Variants in SELP observed in about 807,000 individuals in gnomAD.
SELP encodes the protein P-selectin.
A neutral mutation model predicts 104.1 loss-of-function variants in SELP; 92 were observed. That is an observed-to-expected ratio of 0.88 (90% CI 0.75 to 1.05). The LOEUF (loss-of-function observed/expected upper bound fraction) is 1.05. Ranked by LOEUF, SELP falls within the 50% of genes least tolerant of loss-of-function variation. SELP has a pLI of 0.00. For synonymous variants in SELP, 397 were observed against 364.5 expected, an observed-to-expected ratio of 1.09 and a Z score of -1.01; for missense variants, 1,022 against 1,017.3, an observed-to-expected ratio of 1.00 and a Z score of -0.06.
intron 9 of SELP, among the ~76,000 whole-genome samples, chr1:169,606,193 T>G (rs887789088): frequency 1.3e-5 from 2 of 152,164 alleles, no homozygotes; most frequent in Non-Finnish European, 1.5e-5. Context: ...GGTGGGCACC[T>G]GTAGTCCCAG....
intron 6 of SELP, among the ~76,000 whole-genome samples, 172 bp downstream of exon 6, chr1:169,612,045 T>A (rs1662563102): frequency 6.6e-6 from 1 of 152,124 alleles, no homozygotes; most frequent in Non-Finnish European, 1.5e-5. Context: ...AAGAAAGGAA[T>A]TTTTTTCCTT....
At position 169,622,229 on chromosome 1, in the gene SELP, C is replaced by T. The variant is rs113038089; in HGVS notation, c.4-3010G>A. On this transcript the variant is annotated intron_variant, in intron 1 of 16. Transcript: ENST00000263686. ...ATTGTAAATGATATTGCAGCAAATC[C>T]GTTTTCAAGTCTAGTGATTTCCATT... Among the ~76,000 whole-genome samples, 707 of 152,224 alleles carry T rather than the reference C, an allele frequency of 4.6e-3. 7 individuals are homozygous for T. The highest frequency in any genetic ancestry group is 0.016 in the African/African-American group (679 of 41,526).
chr1:169,607,609 A>G (rs983871210), intron 8 of SELP, among the ~76,000 whole-genome samples: 3 of 152,226 alleles, frequency 2.0e-5, no homozygotes, highest in African/African-American at 7.2e-5. Flanking sequence ...ATGATGTTAA[A>G]TAAAAAATCA....
intron 1 of SELP, among the ~76,000 whole-genome samples, chr1:169,625,750 C>G (rs757689569): frequency 4.6e-5 from 7 of 152,258 alleles, no homozygotes; most frequent in Middle Eastern, 3.4e-3. Flanking sequence ...ATAATTATAA[C>G]TGAATGCATT....
intron 3 of SELP, among the ~76,000 whole-genome samples, chr1:169,614,803 G>T (rs1204891759): frequency 6.6e-6 from 1 of 152,180 alleles, no homozygotes; most frequent in African/African-American, 2.4e-5. Flanking sequence ...ACACTGGGAA[G>T]GGTTCAAATA....
At position 169,620,949 on chromosome 1, in the gene SELP, CTGTG is replaced by C. The variant is rs57455285; in HGVS notation, c.4-1734_4-1731del. ...AGGGTGCATGGGACAGTGTGGGGTT[CTGTG>C]TGTGTGTGTGTGTGTGTGTGTGTGT... is the stretch of plus-strand genomic sequence containing the variant. On this transcript the variant is annotated intron_variant, in intron 1 of 16. Coordinates refer to ENST00000263686, the MANE Select transcript of SELP (RefSeq NM_003005.4). Among the ~76,000 whole-genome samples, 88 of 76,986 alleles carry C rather than the reference CTGTG, an allele frequency of 1.1e-3. 1 individual carries two copies. In the South Asian group the frequency reaches 0.027, roughly 24 times the overall value. The allele number at this position is 76,986 out of a possible 152,430, so 50.5% of individuals were successfully genotyped here. A position where few individuals can be genotyped will look rare whatever the true frequency, so the allele number is the denominator to read the frequency against.
chr1:169,592,626 A>G (rs73037471), intron 14 of SELP, among the ~76,000 whole-genome samples: 16,100 of 152,220 alleles, frequency 0.11, 1,092 homozygotes, highest in African/African-American at 0.18. Context: ...GGATGTTCCC[A>G]TCTTTAATTC....
In SELP at chr1:169,606,944, C is replaced by G. The variant is rs368701217; in HGVS notation, c.1519+5G>C. The G allele has an allele frequency of 1.6e-5, 26 of 1,612,096 alleles. No individual in the cohort carries two copies. In the African/African-American group the frequency reaches 2.0e-4, roughly 12 times the overall value. On this transcript the variant is annotated splice_donor_5th_base_variant and intron_variant, in intron 9 of 16. Transcript: ENST00000263686. ...TCCATGATGTTAGAAAGAATACACTCTTACCTTGGCATTCTGGAGGAACAG... is the reference window on the plus strand; with the variant it reads ...TCCATGATGTTAGAAAGAATACACTGTTACCTTGGCATTCTGGAGGAACAG...
intron 2 of SELP, 102 bp downstream of exon 2, chr1:169,619,027 A>G (rs1662963340): frequency 1.1e-6 from 1 of 876,552 alleles, no homozygotes; most frequent in Non-Finnish European, 1.8e-6. Flanking sequence ...CAGTTTTCCC[A>G]TGCCTCAAAC....
intron 1 of SELP, among the ~76,000 whole-genome samples, chr1:169,626,495 C>T (rs1211013143): frequency 1.3e-5 from 2 of 152,152 alleles, no homozygotes; most frequent in East Asian, 1.9e-4. Context: ...ACAGGAGAAT[C>T]GCTTGAACCC....
Position 169,606,887 on chromosome 1 carries a change from C to T in SELP, c.1519+62G>A. 2.0e-6 allele frequency: 3 copies of T among 1,486,610 alleles called. No homozygotes were observed. In the South Asian group the frequency reaches 3.6e-5, roughly 18 times the overall value. The allele number at this position is 1,486,610 out of a possible 1,614,324, so 92.1% of individuals were successfully genotyped here. On this transcript the variant is annotated intron_variant, in intron 9 of 16. Coordinates refer to ENST00000263686, the MANE Select transcript of SELP (RefSeq NM_003005.4). ...CTTACATAGTTGTCACCTCTAAAAT[C>T]CAGCCTTTAAAAATACTGCCTACAA...
At chr1:169,606,525 C>G (rs1256473588) in intron 9 of SELP, among the ~76,000 whole-genome samples, 1 of 152,182 alleles carries the variant, frequency 6.6e-6, no homozygotes, top group African/African-American at 2.4e-5. Flanking sequence ...TCTGCCCCTC[C>G]CATTTTACCA....
At chr1:169,600,871 TTCC>T (rs1661873190) in intron 10 of SELP, among the ~76,000 whole-genome samples, 1 of 152,174 alleles carries the variant, frequency 6.6e-6, no homozygotes, top group African/African-American at 2.4e-5. Context: ...AGGTTGATAA[TTCC>T]AAGGGCCATA....
chr1:169,590,012 T>C, intron 16 of SELP, 135 bp downstream of exon 16: 2 of 623,258 alleles, frequency 3.2e-6, no homozygotes, highest in Non-Finnish European at 5.6e-6. Flanking sequence ...GCCAACACAA[T>C]TTCCTTCATG....
intron 8 of SELP, among the ~76,000 whole-genome samples, 177 bp downstream of exon 8, chr1:169,609,327 C>CT (rs1200476051): frequency 1.3e-5 from 2 of 152,158 alleles, no homozygotes; most frequent in African/African-American, 4.8e-5. Context: ...GGACATGTGC[C>CT]TAAGACTGGC....
intron 15 of SELP, 24 bp from the exon 16 acceptor site, chr1:169,590,226 G>T (rs1349309086): frequency 6.3e-7 from 1 of 1,585,484 alleles, no homozygotes. Context: ...ACACAAGGAT[G>T]GCAACAATAT....
rs1364355021 is a variant in SELP at position 169,606,814 on chromosome 1, G to C, written c.1519+135C>G. ...GGGATCCTTGGGTTATAGGACAAGA[G>C]GATGAGTGAGAGTATTTATGAATTT... On this transcript the variant is annotated intron_variant, in intron 9 of 16. Coordinates refer to ENST00000263686, the MANE Select transcript of SELP (RefSeq NM_003005.4). 2.8e-5 allele frequency: 22 copies of C among 778,128 alleles called. 1 individual carries two copies. In the East Asian group the frequency reaches 5.7e-4, roughly 20 times the overall value. The allele number at this position is 778,128 out of a possible 1,614,324, so 48.2% of individuals were successfully genotyped here. A position where few individuals can be genotyped will look rare whatever the true frequency, so the allele number is the denominator to read the frequency against.
At chr1:169,626,152 A>C (rs1663360331) in intron 1 of SELP, among the ~76,000 whole-genome samples, 1 of 152,250 alleles carries the variant, frequency 6.6e-6, no homozygotes, top group Non-Finnish European at 1.5e-5. Context: ...CAGTGTGTTC[A>C]AAGAACATGA....
intron 8 of SELP, among the ~76,000 whole-genome samples, chr1:169,608,982 A>G (rs898706049): frequency 6.6e-6 from 1 of 152,206 alleles, no homozygotes; most frequent in African/African-American, 2.4e-5. Context: ...CATGTGATTT[A>G]TAAGGTAACA....
Sources: allele counts gnomAD v4.1 joint callset (sites outside exome capture counted in the v4.1 genomes callset), GRCh38; gene constraint gnomAD v4.1.1; transcripts MANE v1.5; gene names NCBI Gene and HGNC (gene_info 2026-07-23, HGNC 2026-07-21).